Variants in ZNF536 observed in about 807,000 individuals in gnomAD.
ZNF536 encodes zinc finger protein 536.
In ZNF536, 13 loss-of-function variants were observed where a neutral mutation model predicts 84.5. The observed-to-expected ratio is 0.15, with a 90% confidence interval of 0.10 to 0.24. ZNF536 has a LOEUF of 0.24. Ranked by LOEUF, ZNF536 falls within the 10% of genes least tolerant of loss-of-function variation. The probability of loss-of-function intolerance (pLI) is 1.00; values close to 1 mark genes in which losing one functional copy is unlikely to be tolerated. For synonymous variants in ZNF536, 811 were observed against 742.5 expected (o/e 1.09, Z -1.50); for missense variants, 1,536 against 1,747.5 (o/e 0.88, Z 2.16).
intron 2 of ZNF536, among the ~76,000 whole-genome samples, chr19:30,309,342 A>T (rs1381794756): frequency 6.6e-6 from 1 of 152,046 alleles, no homozygotes; most frequent in Non-Finnish European, 1.5e-5. Flanking sequence ...GCCAGTGTGG[A>T]CTCGCTTCTA....
At chr19:30,369,935 A>G (rs1370567424), upstream of ZNF536, among the ~76,000 whole-genome samples, 1 of 152,154 alleles carries the variant, frequency 6.6e-6, no homozygotes, top group Admixed American at 6.5e-5. Context: ...TAGCTCCTGG[A>G]TCCAATTAAA....
At chr19:30,577,908 C>T (rs927107070) in intron 1 of ZNF536, among the ~76,000 whole-genome samples, 4 of 152,154 alleles carry the variant, frequency 2.6e-5, no homozygotes, top group African/African-American at 9.7e-5. Flanking sequence ...AAATCAGACT[C>T]AAGTTTCCTG....
At chr19:30,371,522 C>T (rs1409324852), upstream of ZNF536, among the ~76,000 whole-genome samples, 2 of 151,576 alleles carry the variant, frequency 1.3e-5, no homozygotes, top group African/African-American at 4.9e-5. Flanking sequence ...ACTAAAATAG[C>T]ACACCATAGC....
intron 1 of ZNF536, among the ~76,000 whole-genome samples, chr19:30,629,470 A>G (rs937642158): frequency 6.6e-6 from 1 of 152,232 alleles, no homozygotes; most frequent in African/African-American, 2.4e-5. Context: ...TGCTGGGGTT[A>G]TAGGCATAAG....
intron 2 of ZNF536, among the ~76,000 whole-genome samples, chr19:30,461,565 A>G (rs1198274668): frequency 3.3e-5 from 5 of 152,104 alleles, no homozygotes; most frequent in Non-Finnish European, 5.9e-5. Flanking sequence ...GGTTGTGAAT[A>G]TCCCCGAGCC....
At chr19:30,526,467 G>C (rs914030948) in intron 2 of ZNF536, among the ~76,000 whole-genome samples, 2 of 125,192 alleles carry the variant, frequency 1.6e-5, no homozygotes, top group Non-Finnish European at 4.0e-5. Flanking sequence ...GCTCACGCCT[G>C]TAATCCCAGC....
Position 30,600,520 on chromosome 19 carries a change from C to T in ZNF536, c.169+51006C>T, listed in dbSNP as rs144334341. Among the ~76,000 whole-genome samples the T allele has an allele frequency of 7.4e-3, 1,133 of 152,326 alleles. 6 individuals are homozygous for T. The highest frequency in any genetic ancestry group is 0.017 in the Middle Eastern group (5 of 294). ...GTTTCATGAATGTATCTATATGGTT[C>T]CAGGGTTCCAGGCACTTCCTCACAT... On this transcript the variant is annotated intron_variant, in intron 1 of 1. Coordinates refer to the ZNF536 transcript ENST00000592773.
intron 3 of ZNF536, among the ~76,000 whole-genome samples, chr19:30,353,339 T>C (rs1363733586): frequency 6.6e-6 from 1 of 152,044 alleles, no homozygotes; most frequent in Non-Finnish European, 1.5e-5. Flanking sequence ...TGTAATATCG[T>C]AGGAGAAAAA....
chr19:30,526,541 G>A lies in ZNF536; in HGVS notation c.2171-8306G>A, dbSNP rs377644355. Among the ~76,000 whole-genome samples the A allele has an allele frequency of 8.7e-4, 114 of 130,668 alleles. 1 individual carries two copies. In the East Asian group the frequency reaches 0.017, roughly 19 times the overall value. 85.7% of individuals were successfully genotyped at this position (130,668 alleles called of 152,430 possible). On this transcript the variant is annotated intron_variant, in intron 2 of 4. Transcript: ENST00000355537. ...AGATCGAGACCATCCCGGCTAAAAC[G>A]GTGAAACCCCGTCTCTACTAAAAAT...
At chr19:30,671,898 A>T (rs894317460) in intron 1 of ZNF536, among the ~76,000 whole-genome samples, 3 of 152,270 alleles carry the variant, frequency 2.0e-5, no homozygotes, top group Middle Eastern at 3.4e-3. Context: ...GATCTCTGGG[A>T]GGGTCTGTGG....
intron 1 of ZNF536, among the ~76,000 whole-genome samples, chr19:30,386,281 C>G (rs760434195): frequency 1.2e-4 from 19 of 152,232 alleles, no homozygotes; most frequent in Admixed American, 2.6e-4. Context: ...GAGTTAGCCC[C>G]TCACTCAGCT....
chr19:30,565,341 A>T (rs1344663782), intron 1 of ZNF536, among the ~76,000 whole-genome samples: 1 of 152,126 alleles, frequency 6.6e-6, no homozygotes, highest in Non-Finnish European at 1.5e-5. Flanking sequence ...AGAGGAGGAA[A>T]GATGGGGTGA....
intron 1 of ZNF536, among the ~76,000 whole-genome samples, chr19:30,573,557 A>G (rs1047310056): frequency 6.6e-6 from 1 of 152,158 alleles, no homozygotes; most frequent in Non-Finnish European, 1.5e-5. Context: ...TGGAAACATG[A>G]TACTATGAGA....
At chr19:30,369,489 G>A (rs964343440), upstream of ZNF536, among the ~76,000 whole-genome samples, 2 of 152,174 alleles carry the variant, frequency 1.3e-5, no homozygotes, top group South Asian at 4.1e-4. Flanking sequence ...AATTGAGTCC[G>A]ACCCGTCTGC....
chr19:30,494,521 C>T (rs911002832), intron 2 of ZNF536, among the ~76,000 whole-genome samples: 31 of 152,218 alleles, frequency 2.0e-4, no homozygotes, highest in African/African-American at 7.5e-4. Flanking sequence ...ACCCAGCTCA[C>T]GTGGACTTTG....
chr19:30,443,639 T>A lies in ZNF536; in HGVS notation c.77T>A (p.Leu26His), dbSNP rs764056860. 1 of 1,612,566 alleles carries A rather than the reference T, an allele frequency of 6.2e-7. No homozygotes were observed. The highest frequency in any genetic ancestry group is 1.3e-5 in the African/African-American group (1 of 75,052). Residue 26 changes from leucine to histidine, a missense_variant, in exon 2 of 5, where the codon CTC becomes CAC. Physicochemically the swap from Leu to His is moderately conservative, Grantham distance 99. Transcript: ENST00000355537. ...EAEPHLSGPV[L>H]NGQYAMSQKL... Reference sequence around the variant, plus strand: ...GAGCCCCACCTGAGTGGCCCCGTCCTCAACGGCCAGTATGCCATGAGTCAG... The same window carrying A: ...GAGCCCCACCTGAGTGGCCCCGTCCACAACGGCCAGTATGCCATGAGTCAG...
At chr19:30,403,930 G>A (rs1190724622) in intron 1 of ZNF536, among the ~76,000 whole-genome samples, 3 of 151,986 alleles carry the variant, frequency 2.0e-5, no homozygotes, top group South Asian at 4.1e-4. Flanking sequence ...CCACTTGGCC[G>A]AAGAACTCAT....
At chr19:30,420,017 G>A (rs1042536555) in intron 1 of ZNF536, among the ~76,000 whole-genome samples, 2 of 152,176 alleles carry the variant, frequency 1.3e-5, no homozygotes, top group Admixed American at 6.5e-5. Flanking sequence ...AGTGCTTGCA[G>A]GAGTCACAGG....
At chr19:30,606,802 A>G (rs1288663137) in intron 1 of ZNF536, among the ~76,000 whole-genome samples, 1 of 152,152 alleles carries the variant, frequency 6.6e-6, no homozygotes, top group Non-Finnish European at 1.5e-5. Flanking sequence ...AGAACGTTGC[A>G]GCTCAGCTTC....
Sources: allele counts gnomAD v4.1 joint callset (sites outside exome capture counted in the v4.1 genomes callset), GRCh38; gene constraint gnomAD v4.1.1; transcripts MANE v1.5; gene names NCBI Gene and HGNC (gene_info 2026-07-23, HGNC 2026-07-21).